Variants in UPF1 observed in about 807,000 individuals in gnomAD.
UPF1 encodes the protein UPF1 RNA helicase and ATPase, also known as regulator of nonsense transcripts 1.
A neutral mutation model predicts 129.2 loss-of-function variants in UPF1; 9 were observed. The observed-to-expected ratio is 0.07, with a 90% CI of 0.04 to 0.12. The LOEUF (loss-of-function observed/expected upper bound fraction) is 0.12. Among genes scored for constraint, UPF1 ranks in the 10% least tolerant of loss-of-function variants. The probability of loss-of-function intolerance (pLI) is 1.00; values close to 1 mark genes in which losing one functional copy is unlikely to be tolerated. For missense variants in UPF1, 788 were observed against 1,525.3 expected (o/e 0.52, Z 8.05); for synonymous variants, 649 against 644.9 (o/e 1.01, Z -0.10).
At chr19:18,866,374 T>A (rs2055844706) in intron 23 of UPF1, 147 bp from the exon 24 acceptor site, 1 of 643,198 alleles carries the variant, frequency 1.6e-6, no homozygotes, top group African/African-American at 1.9e-5. Flanking sequence ...CCATCCTGTC[T>A]GCTCCGGGGA....
chr19:18,855,928 G>A lies in UPF1; in HGVS notation c.1548G>A (p.Pro516=), dbSNP rs377707243. 21 of 1,613,524 alleles carry A rather than the reference G, an allele frequency of 1.3e-5. No homozygotes were observed. Among genetic ancestry groups the A allele is most frequent in the Non-Finnish European group, 1.8e-5 (21 of 1,179,978 alleles). ...AGCTGCCCCAATGGTGTTGCAGGCC[G>A]GTGCTGGTGTGTGCTCCGAGCAACA... The part of the protein sequence containing the change: ...VYHLARQGNG[P]VLVCAPSNIA... The change falls in exon 12 of 24, where the codon CCG becomes CCA. Residue 516 remains proline (P), a synonymous_variant. Coordinates refer to ENST00000262803, the MANE Select transcript of UPF1 (RefSeq NM_002911.4).
At chr19:18,834,229 G>C (rs1307267041) in intron 1 of UPF1, among the ~76,000 whole-genome samples, 1 of 152,184 alleles carries the variant, frequency 6.6e-6, no homozygotes, top group Non-Finnish European at 1.5e-5. Context: ...CAGCCTGTCG[G>C]GGAGACTCGG....
chr19:18,846,182 T>C lies in UPF1; in HGVS notation c.371+63T>C, dbSNP rs1050539619. 6 of 1,598,236 alleles carry C rather than the reference T, an allele frequency of 3.8e-6. No homozygotes were observed. The Admixed American group carries it at 1.0e-4, about 27-fold the overall frequency. ...CAGGTGGGTGCCTCTGGCATGGGCC[T>C]GGGACACTCACCTCCCAGGTACAGG... On this transcript the variant is annotated intron_variant, in intron 2 of 23. Transcript: ENST00000262803.
intron 1 of UPF1, among the ~76,000 whole-genome samples, chr19:18,844,521 C>T (rs546825820): frequency 1.0e-4 from 15 of 148,046 alleles, no homozygotes; most frequent in South Asian, 4.3e-4. Context: ...TTAGTAAAAA[C>T]GAGGTTTCAC....
intron 1 of UPF1, among the ~76,000 whole-genome samples, chr19:18,844,982 C>T (rs562421950): frequency 2.4e-4 from 36 of 152,390 alleles, no homozygotes; most frequent in African/African-American, 7.5e-4. Flanking sequence ...TAGCACGTGC[C>T]CATGCACCCC....
At chr19:18,849,866 A>T in intron 3 of UPF1, 1 of 600,998 alleles carries the variant, frequency 1.7e-6, no homozygotes, top group Non-Finnish European at 2.9e-6. Flanking sequence ...AGTTTTCCTT[A>T]AAGTGGTTCA....
At chr19:18,841,024 G>T (rs1417746968) in intron 1 of UPF1, among the ~76,000 whole-genome samples, 1 of 152,234 alleles carries the variant, frequency 6.6e-6, no homozygotes, top group African/African-American at 2.4e-5. Flanking sequence ...CTGGGAGAGG[G>T]GGTTGCAGAT....
rs771840537 is a variant in UPF1 at position 18,853,267 on chromosome 19, A to G, written c.1073A>G (p.Gln358Arg). The change falls in exon 8 of 24, where the codon CAG becomes CGG. Residue 358 changes from glutamine to arginine, a missense_variant. Physicochemically the swap from Gln to Arg is conservative, Grantham distance 43. Around this residue, in one of 6 missense-constraint regions of UPF1, gnomAD observed 227 missense variants for 517.9 expected, o/e 0.44. Coordinates refer to ENST00000262803, the MANE Select transcript of UPF1 (RefSeq NM_002911.4). The surrounding 1 kb of genome is among the most constrained non-coding windows in gnomAD (Gnocchi z 4.4). Reference sequence around the variant, plus strand: ...TTACCTCAAGACATGCGGCTCATGCAGGGGGATGAGATATGCCTGCGGTAC... The same window carrying G: ...TTACCTCAAGACATGCGGCTCATGCGGGGGGATGAGATATGCCTGCGGTAC... Reference protein sequence around the residue: ...PKTDSDMRLMQGDEICLRYKG... With the variant: ...PKTDSDMRLMRGDEICLRYKG... The G allele has an allele frequency of 1.9e-6, 3 of 1,612,374 alleles. No homozygotes were observed. The highest frequency in any genetic ancestry group is 1.7e-5 in the Admixed American group (1 of 59,706).
rs964103738 is a variant in UPF1 at position 18,854,799 on chromosome 19, C to T, written c.1266-80C>T. 2.5e-6 allele frequency: 4 copies of T among 1,606,298 alleles called. No individual in the cohort carries two copies. The African/African-American group carries it at 4.0e-5, about 16-fold the overall frequency. On this transcript the variant is annotated intron_variant, in intron 9 of 23. Coordinates refer to ENST00000262803, the MANE Select transcript of UPF1 (RefSeq NM_002911.4). ...TCCCCGTCACTGTGGAGTGGGGTTCCCCACCCAGCTCTGCAAACTCAGGAT... is the reference window on the plus strand; with the variant it reads ...TCCCCGTCACTGTGGAGTGGGGTTCTCCACCCAGCTCTGCAAACTCAGGAT...
chr19:18,848,014 A>T, intron 3 of UPF1, 181 bp downstream of exon 3: 2 of 561,610 alleles, frequency 3.6e-6, no homozygotes, highest in South Asian at 4.7e-5. Flanking sequence ...TAATGTATTT[A>T]CCCTTGATTT....
At chr19:18,844,304 G>T (rs533267073) in intron 1 of UPF1, among the ~76,000 whole-genome samples, 4 of 149,224 alleles carry the variant, frequency 2.7e-5, no homozygotes, top group South Asian at 2.1e-4. Context: ...GGGGCCGGGG[G>T]GGGGTTTGGG....
intron 1 of UPF1, chr19:18,833,428 C>T (rs2055450213): frequency 6.6e-6 from 1 of 152,126 alleles, no homozygotes; most frequent in South Asian, 2.1e-4. Flanking sequence ...GAGTCTGCCA[C>T]GTTGGAAACT....
chr19:18,867,321 G>C lies in UPF1; in HGVS notation c.*804G>C, dbSNP rs2055862953. The C allele has an allele frequency of 6.6e-6, 1 of 152,276 alleles. No individual in the cohort carries two copies. Among genetic ancestry groups the C allele is most frequent in the Non-Finnish European group, 1.5e-5 (1 of 68,048 alleles). The allele number at this position is 152,276 out of a possible 1,614,324, so 9.4% of individuals were successfully genotyped here. On this transcript the variant is annotated 3_prime_UTR_variant, in exon 24 of 24. Coordinates refer to ENST00000262803, the MANE Select transcript of UPF1 (RefSeq NM_002911.4). Reference sequence around the variant, plus strand: ...TAGCCGCCCGCCGAGCCTGGAAGCTGCTCGTTCTCCGCTGGACTCAGAAGC... The same window carrying C: ...TAGCCGCCCGCCGAGCCTGGAAGCTCCTCGTTCTCCGCTGGACTCAGAAGC...
chr19:18,854,775 C>G (rs562939615), intron 9 of UPF1, 66 bp downstream of exon 9: 10 of 1,605,838 alleles, frequency 6.2e-6, no homozygotes, highest in Admixed American at 5.0e-5. Flanking sequence ...TATGAGCCCT[C>G]CCCGTCACTG....
chr19:18,833,572 G>C (rs1167409213), intron 1 of UPF1, among the ~76,000 whole-genome samples: 2 of 152,102 alleles, frequency 1.3e-5, no homozygotes, highest in East Asian at 3.9e-4. Flanking sequence ...GGGCTGGGGG[G>C]GTGGCGCGTG....
At chr19:18,835,328 ATG>A (rs1208273325) in intron 1 of UPF1, among the ~76,000 whole-genome samples, 1 of 151,518 alleles carries the variant, frequency 6.6e-6, no homozygotes, top group Non-Finnish European at 1.5e-5. Flanking sequence ...ACGCTGTGGT[ATG>A]TGTCATCATT....
chr19:18,834,758 G>A (rs2055465942), intron 1 of UPF1, among the ~76,000 whole-genome samples: 1 of 152,174 alleles, frequency 6.6e-6, no homozygotes, highest in South Asian at 2.1e-4. Context: ...TGAATTGAAG[G>A]CAGTGTCTGC....
intron 16 of UPF1, among the ~76,000 whole-genome samples, 153 bp from the exon 17 acceptor site, chr19:18,860,673 C>T (rs904453283): frequency 6.6e-5 from 10 of 152,192 alleles, no homozygotes; most frequent in Non-Finnish European, 1.3e-4. Context: ...CTCGAGACTC[C>T]CCTGGTGAAG....
intron 2 of UPF1, among the ~76,000 whole-genome samples, chr19:18,846,553 G>A (rs1173708535): frequency 1.3e-5 from 2 of 152,108 alleles, no homozygotes; most frequent in Admixed American, 1.3e-4. Flanking sequence ...CGTGCCTGGA[G>A]AATTGGATGT....
Sources: gnomAD v4.1 joint callset for allele counts (sites outside exome capture counted in the v4.1 genomes callset) on GRCh38, gnomAD v4.1.1 for gene constraint, gnomAD v4.1.1 regional missense constraint, Gnocchi (gnomAD v3.1) non-coding constraint, MANE v1.5 for transcripts, NCBI Gene and HGNC (gene_info 2026-07-23, HGNC 2026-07-21) for gene names.